The following CSF2RB variants were observed in gnomAD, a reference collection of about 807,000 sequenced individuals.
CSF2RB encodes cytokine receptor common subunit beta.
A neutral mutation model predicts 67.2 loss-of-function variants in CSF2RB; 22 were observed. That is an observed-to-expected ratio of 0.33 (90% confidence interval 0.23 to 0.47). CSF2RB has a LOEUF of 0.47. Ranked by LOEUF, CSF2RB falls within the 20% of genes least tolerant of loss-of-function variation. The pLI, the probability that CSF2RB is intolerant of heterozygous loss-of-function variation, is 1.00. For missense variants in CSF2RB, 1,113 were observed against 1,174.5 expected (o/e 0.95, Z 0.76); for synonymous variants, 507 against 482.9 (o/e 1.05, Z -0.65).
At position 36,938,529 on chromosome 22, in the gene CSF2RB, G is replaced by T. The variant is rs745334817; in HGVS notation, c.*27G>T. On this transcript the variant is annotated 3_prime_UTR_variant, in exon 14 of 14. Coordinates refer to ENST00000403662, the MANE Select transcript of CSF2RB (RefSeq NM_000395.3). ...ACCCCCAGGCCTAGACAGGCAAGGGGATGGAGAGGGCTTGCCTTCCCTCCC... is the reference window on the plus strand; with the variant it reads ...ACCCCCAGGCCTAGACAGGCAAGGGTATGGAGAGGGCTTGCCTTCCCTCCC... 1.3e-6 allele frequency: 2 copies of T among 1,589,646 alleles called. No individual in the cohort carries two copies. The highest frequency in any genetic ancestry group is 1.7e-6 in the Non-Finnish European group (2 of 1,166,544).
At chr22:36,928,405 G>T (rs765231613) in intron 4 of CSF2RB, among the ~76,000 whole-genome samples, 1 of 152,172 alleles carries the variant, frequency 6.6e-6, no homozygotes, top group Admixed American at 6.5e-5. Context: ...CATGAGGGAC[G>T]CCTGTCCTGG....
intron 2 of CSF2RB, 146 bp from the exon 3 acceptor site, chr22:36,923,098 C>G: frequency 8.6e-7 from 1 of 1,156,744 alleles, no homozygotes; most frequent in Non-Finnish European, 1.3e-6. Context: ...GACATGAACA[C>G]ATGTACATGT....
chr22:36,923,445 G>A (rs1417414656), intron 3 of CSF2RB, 78 bp downstream of exon 3: 6 of 1,567,088 alleles, frequency 3.8e-6, no homozygotes, highest in South Asian at 1.1e-5. Flanking sequence ...ACAGTGTAGA[G>A]AGGGACCTGT....
At position 36,926,102 on chromosome 22, in the gene CSF2RB, A is replaced by G; in HGVS notation, c.316A>G (p.Thr106Ala). The change falls in exon 4 of 14, where the codon ACT becomes GCT. Residue 106 changes from threonine to alanine, a missense_variant. Coordinates refer to ENST00000403662, the MANE Select transcript of CSF2RB (RefSeq NM_000395.3). The part of the protein sequence containing the change: ...CVIPCQSFVV[T>A]DVDYFSFQPD... ...CATTCCCTGCCAGAGTTTTGTCGTC[A>G]CTGACGTTGACTACTTCTCATTCCA... is the stretch of plus-strand genomic sequence containing the variant. 1 of 1,614,186 alleles carries G rather than the reference A, an allele frequency of 6.2e-7. No individual in the cohort carries two copies. Among genetic ancestry groups the G allele is most frequent in the Non-Finnish European group, 8.5e-7 (1 of 1,180,034 alleles).
At position 36,930,828 on chromosome 22, in the gene CSF2RB, A is replaced by G; in HGVS notation, c.1010A>G (p.Asn337Ser). Residue 337 changes from asparagine to serine, a missense_variant and splice_region_variant, in exon 8 of 14, where the codon AAC becomes AGC. Physicochemically the swap from Asn to Ser is conservative, Grantham distance 46. Coordinates refer to ENST00000403662, the MANE Select transcript of CSF2RB (RefSeq NM_000395.3). ...RAEKHIKSSV[N>S]IQMAPPSLNV... Reference sequence around the variant, plus strand: ...GAGAAACACATAAAGAGCTCAGTGAACAGTGAGTTTGCTCCTAGCCCGCTG... The same window carrying G: ...GAGAAACACATAAAGAGCTCAGTGAGCAGTGAGTTTGCTCCTAGCCCGCTG... 6.2e-7 allele frequency: 1 copy of G among 1,614,200 alleles called. No homozygotes were observed. Among genetic ancestry groups the G allele is most frequent in the Non-Finnish European group, 8.5e-7 (1 of 1,180,042 alleles).
intron 1 of CSF2RB, 98 bp from the exon 2 acceptor site, chr22:36,921,938 T>G: frequency 1.7e-6 from 1 of 572,204 alleles, no homozygotes; most frequent in Non-Finnish European, 3.1e-6. Flanking sequence ...AGGTCATGCA[T>G]GAGGGCCACT....
rs550980854 is a variant in CSF2RB at position 36,936,455 on chromosome 22, C to A, written c.1465-94C>A. 6.5e-6 allele frequency: 6 copies of A among 921,930 alleles called. No homozygotes were observed. In the Admixed American group the frequency reaches 7.4e-5, roughly 11 times the overall value. 57.1% of individuals were successfully genotyped at this position (921,930 alleles called of 1,614,324 possible). ...TGGAGATTCTTCTCTTGTCTGGGGG[C>A]TCCTTGAATCCTCCTGCACCCCCGT... On this transcript the variant is annotated intron_variant, in intron 12 of 13. Transcript: ENST00000403662.
At chr22:36,922,375 G>T in intron 2 of CSF2RB, 92 bp downstream of exon 2, 1 of 1,265,690 alleles carries the variant, frequency 7.9e-7, no homozygotes, top group Non-Finnish European at 1.1e-6. Flanking sequence ...GATCCTGCCC[G>T]CCAGCCCTCC....
intron 8 of CSF2RB, 55 bp downstream of exon 8, chr22:36,930,885 T>C: frequency 1.2e-6 from 2 of 1,600,310 alleles, no homozygotes; most frequent in Non-Finnish European, 1.7e-6. Context: ...ACACCCTCAT[T>C]GTGTAACCCG....
At chr22:36,926,719 G>A (rs1056739443) in intron 4 of CSF2RB, among the ~76,000 whole-genome samples, 4 of 152,260 alleles carry the variant, frequency 2.6e-5, no homozygotes, top group African/African-American at 9.6e-5. Context: ...GAAGCCATCT[G>A]TGGTCTAGGG....
At chr22:36,925,955 A>G (rs529277769) in intron 3 of CSF2RB, 32 bp from the exon 4 acceptor site, 39 of 1,613,108 alleles carry the variant, frequency 2.4e-5, no homozygotes, top group African/African-American at 1.6e-4. Context: ...ATACCCATAC[A>G]CCCTGGGCTA....
chr22:36,929,757 C>T lies in CSF2RB; in HGVS notation c.668C>T (p.Ser223Leu), dbSNP rs1941108522. ...RTRLAPGSRL[S>L]GRPSKWSPEV... ...CGCCTGGCCCCAGGTTCTCGGCTCT[C>T]AGGACGTCCCAGCAAGTGGAGCCCA... Residue 223 changes from serine to leucine, a missense_variant, in exon 6 of 14, where the codon TCA becomes TTA. This residue lies in a region of CSF2RB where 559 missense variants were observed against 656.5 expected (regional missense o/e 0.85). Transcript: ENST00000403662. 2.5e-6 allele frequency: 4 copies of T among 1,614,126 alleles called. No homozygotes were observed. Among genetic ancestry groups the T allele is most frequent in the Admixed American group, 1.7e-5 (1 of 60,024 alleles).
chr22:36,927,165 T>C (rs1476378861), intron 4 of CSF2RB, among the ~76,000 whole-genome samples: 2 of 152,180 alleles, frequency 1.3e-5, no homozygotes, highest in African/African-American at 2.4e-5. Context: ...CTGCCCTTTT[T>C]TGCCACAACA....
In CSF2RB at chr22:36,922,294, T is replaced by A; in HGVS notation, c.76+11T>A. On this transcript the variant is annotated intron_variant, in intron 2 of 13. Coordinates refer to ENST00000403662, the MANE Select transcript of CSF2RB (RefSeq NM_000395.3). ...TGGCAGGGGCAGAAGGTGAGTCCCGTGGCTCCCACCCACTTCCCTGTCCCT... is the reference window on the plus strand; with the variant it reads ...TGGCAGGGGCAGAAGGTGAGTCCCGAGGCTCCCACCCACTTCCCTGTCCCT... 1 of 1,567,736 alleles carries A rather than the reference T, an allele frequency of 6.4e-7. No individual in the cohort carries two copies. Among genetic ancestry groups the A allele is most frequent in the Non-Finnish European group, 8.6e-7 (1 of 1,156,236 alleles).
intron 1 of CSF2RB, among the ~76,000 whole-genome samples, chr22:36,918,684 T>C (rs927925008): frequency 1.3e-5 from 2 of 152,256 alleles, no homozygotes; most frequent in Admixed American, 6.5e-5. Flanking sequence ...CCCCATTTGC[T>C]GTTGTATCTG....
chr22:36,937,407 G>C lies in CSF2RB; in HGVS notation c.1599G>C (p.Glu533Asp). 6.2e-7 allele frequency: 1 copy of C among 1,613,908 alleles called. No homozygotes were observed. Among genetic ancestry groups the C allele is most frequent in the Non-Finnish European group, 8.5e-7 (1 of 1,179,970 alleles). ...TCCCTGTAGGATTCGGGGACAGCGA[G>C]GTGTCACCTCTCACCATAGAGGACC... ...GVFPVGFGDS[E>D]VSPLTIEDPK... Residue 533 changes from glutamate to aspartate, a missense_variant, in exon 14 of 14, where the codon GAG (glutamate) becomes GAC (aspartate). This residue lies in a region of CSF2RB where 554 missense variants were observed against 517.9 expected (regional missense o/e 1.07). Transcript: ENST00000403662. This position sits in a 1 kb window ranked among gnomAD's most constrained non-coding sequence, Gnocchi z 4.6.
chr22:36,934,988 A>G (rs564119661), intron 10 of CSF2RB, among the ~76,000 whole-genome samples: 54 of 151,972 alleles, frequency 3.6e-4, no homozygotes, highest in South Asian at 1.0e-3. Context: ...CCCCATCTCC[A>G]CCTCTAATCC....
rs747957802 is a variant in CSF2RB, at chr22:36,937,963, T to G, written c.2155T>G (p.Phe719Val). ...SGYVSSADLV[F>V]TPNSGASSVS... is the part of the protein sequence containing the mutation. ...TTATGTCTCCTCTGCAGACCTGGTATTCACCCCAAACTCAGGGGCCTCGTC... is the reference window on the plus strand; with the variant it reads ...TTATGTCTCCTCTGCAGACCTGGTAGTCACCCCAAACTCAGGGGCCTCGTC... The change falls in exon 14 of 14, where the codon TTC becomes GTC. Residue 719 changes from phenylalanine (F) to valine (V), a missense_variant. By Grantham distance (50) the Phe-to-Val change is conservative. Transcript: ENST00000403662. This position sits in a 1 kb window ranked among gnomAD's most constrained non-coding sequence, Gnocchi z 4.6. The G allele has an allele frequency of 5.6e-6, 9 of 1,614,126 alleles. No individual in the cohort carries two copies. In the African/African-American group the frequency reaches 1.1e-4, roughly 19 times the overall value.
At chr22:36,920,633 T>G (rs1940837211) in intron 1 of CSF2RB, among the ~76,000 whole-genome samples, 1 of 152,212 alleles carries the variant, frequency 6.6e-6, no homozygotes, top group African/African-American at 2.4e-5. Context: ...CGTCCTTTCC[T>G]TTTATGGTTC....
Sources: gnomAD v4.1 joint callset for allele counts (sites outside exome capture counted in the v4.1 genomes callset) on GRCh38, gnomAD v4.1.1 for gene constraint, gnomAD v4.1.1 regional missense constraint, Gnocchi (gnomAD v3.1) non-coding constraint, MANE v1.5 for transcripts, NCBI Gene and HGNC (gene_info 2026-07-23, HGNC 2026-07-21) for gene names.